The following JPH2 variants were observed in gnomAD, a reference collection of about 807,000 sequenced individuals.
JPH2 encodes junctophilin-2.
JPH2 carries 38 observed loss-of-function variants against 55.9 expected under a neutral mutation model. The ratio of observed to expected loss-of-function variants is 0.68; its 90% CI spans 0.52 to 0.89. JPH2 has a LOEUF of 0.89. Among genes scored for constraint, JPH2 ranks in the 40% least tolerant of loss-of-function variants. JPH2 has a pLI of 0.00. For missense variants in JPH2, 964 were observed against 1,037.6 expected (o/e 0.93, Z 0.97); for synonymous variants, 480 against 472.4 (o/e 1.02, Z -0.21).
chr20:44,145,206 G>A (rs187648896), intron 2 of JPH2, among the ~76,000 whole-genome samples: 225 of 152,328 alleles, frequency 1.5e-3, no homozygotes, highest in Non-Finnish European at 2.2e-3. Flanking sequence ...GCCAGGCACT[G>A]GTCTCACTGT....
intron 2 of JPH2, among the ~76,000 whole-genome samples, chr20:44,152,797 G>A (rs1055264609): frequency 2.6e-5 from 4 of 152,114 alleles, no homozygotes; most frequent in African/African-American, 4.8e-5. Context: ...GGCCTCCGTG[G>A]GTGCCTACGG....
intron 1 of JPH2, among the ~76,000 whole-genome samples, chr20:44,169,366 C>T (rs562116052): frequency 2.0e-5 from 3 of 152,064 alleles, no homozygotes; most frequent in East Asian, 1.9e-4. Flanking sequence ...TTAGTAGAGA[C>T]GGGGTTTTTC....
At position 44,111,058 on chromosome 20, in the gene JPH2, C is replaced by T. The variant is rs2072139325; in HGVS notation, c.*2460G>A. ...CTAAAAAGTCAAGAGAACTGCTTTC[C>T]TGCCACCAACTTGCTGTGTGCGTGA... On this transcript the variant is annotated 3_prime_UTR_variant, in exon 6 of 6. Transcript: ENST00000372980. 6.6e-6 allele frequency among the ~76,000 whole-genome samples: 1 copy of T among 152,342 alleles called. No individual in the cohort carries two copies. The highest frequency in any genetic ancestry group is 2.4e-5 in the African/African-American group (1 of 41,586).
Position 44,164,634 on chromosome 20 carries a change from TG to T in JPH2, c.380-4228del, listed in dbSNP as rs2072640889. Among the ~76,000 whole-genome samples the T allele has an allele frequency of 2.0e-5, 3 of 152,012 alleles. No individual in the cohort carries two copies. In the South Asian group the frequency reaches 6.2e-4, roughly 32 times the overall value. ...CATGCTAAGTGAACAAAGCTAGAGA[TG>T]AAAGCTGTGTGACTCCAGTTACATG... On this transcript the variant is annotated intron_variant, in intron 1 of 5. Coordinates refer to ENST00000372980, the MANE Select transcript of JPH2 (RefSeq NM_020433.5).
At chr20:44,127,894 G>A (rs6103638) in intron 2 of JPH2, among the ~76,000 whole-genome samples, 48,700 of 152,020 alleles carry the variant, frequency 0.32, 7,892 homozygotes, top group East Asian at 0.47. Context: ...GCATCTATGT[G>A]CTTCACGGCT....
intron 2 of JPH2, among the ~76,000 whole-genome samples, chr20:44,150,871 A>AT (rs1037816757): frequency 3.9e-5 from 6 of 151,930 alleles, no homozygotes; most frequent in Non-Finnish European, 5.9e-5. Context: ...ACAAATATAT[A>AT]TTTTTTTAAT....
intron 2 of JPH2, among the ~76,000 whole-genome samples, chr20:44,125,598 C>A (rs1207986618): frequency 6.6e-6 from 1 of 152,192 alleles, no homozygotes; most frequent in Non-Finnish European, 1.5e-5. Context: ...GACCCAGCAG[C>A]CGCCTGGGGA....
intron 2 of JPH2, among the ~76,000 whole-genome samples, chr20:44,135,756 C>T (rs576810819): frequency 5.9e-5 from 9 of 152,266 alleles, no homozygotes; most frequent in Admixed American, 3.3e-4. Flanking sequence ...CAGAGCTGGA[C>T]GGACCCTTAG....
At chr20:44,150,752 G>A (rs2072525263) in intron 2 of JPH2, among the ~76,000 whole-genome samples, 1 of 152,212 alleles carries the variant, frequency 6.6e-6, no homozygotes, top group Admixed American at 6.5e-5. Context: ...CAGGCCAGGT[G>A]TGGTGGCTCA....
intron 2 of JPH2, among the ~76,000 whole-genome samples, chr20:44,133,892 AAATATATATAAATAAATATACATTAT>A (rs2072343923): frequency 2.2e-5 from 1 of 45,616 alleles, no homozygotes; most frequent in East Asian, 6.1e-4. Context: ...TATTTATTAT[AAATATATATAAATAAATATACATTAT>A]AATATATAAA....
At chr20:44,161,220 A>C (rs1394403094) in intron 1 of JPH2, among the ~76,000 whole-genome samples, 1 of 152,136 alleles carries the variant, frequency 6.6e-6, no homozygotes, top group Non-Finnish European at 1.5e-5. Context: ...AGAACAAAGT[A>C]ATATGTAGCA....
At chr20:44,136,375 C>G (rs1341773456) in intron 2 of JPH2, among the ~76,000 whole-genome samples, 4 of 152,126 alleles carry the variant, frequency 2.6e-5, no homozygotes, top group Non-Finnish European at 4.4e-5. Context: ...TGGCCTCACC[C>G]TTTGCCTATT....
Position 44,186,758 on chromosome 20 carries a change from G to A in JPH2, c.-53C>T. The A allele has an allele frequency of 6.4e-7, 1 of 1,561,470 alleles. No homozygotes were observed. The highest frequency in any genetic ancestry group is 8.7e-7 in the Non-Finnish European group (1 of 1,147,072). ...GTCCTCCAGCGTGGGTGCAGAGGGC[G>A]TGGGTGATGCCTGCAACACTCCTCC... On this transcript the variant is annotated 5_prime_UTR_variant, in exon 1 of 6. In the 5' UTR this introduces an upstream ATG that the reference lacks. Coordinates refer to ENST00000372980, the MANE Select transcript of JPH2 (RefSeq NM_020433.5).
At chr20:44,134,327 T>C in intron 2 of JPH2, among the ~76,000 whole-genome samples, 1 of 21,384 alleles carries the variant, frequency 4.7e-5, no homozygotes, top group Non-Finnish European at 7.0e-5. Flanking sequence ...AAATATATAA[T>C]AAATATATAA....
At chr20:44,116,465 C>T (rs1422823283) in intron 3 of JPH2, 79 bp from the exon 4 acceptor site, 2 of 1,508,512 alleles carry the variant, frequency 1.3e-6, no homozygotes, top group Non-Finnish European at 1.8e-6. Context: ...CTTCACCTCT[C>T]GAGCCTCATT....
intron 4 of JPH2, among the ~76,000 whole-genome samples, chr20:44,115,092 G>T (rs1027783716): frequency 6.6e-6 from 1 of 152,072 alleles, no homozygotes; most frequent in Non-Finnish European, 1.5e-5. Context: ...ACCCAGGGAG[G>T]GACAAGATCA....
At position 44,186,774 on chromosome 20, in the gene JPH2, A is replaced by G. The variant is rs1253862589; in HGVS notation, c.-69T>C. The stretch of plus-strand genomic sequence containing the variant: ...GCAGAGGGCGTGGGTGATGCCTGCA[A>G]CACTCCTCCAGTGCCCTCGGGGGCA... On this transcript the variant is annotated 5_prime_UTR_variant, in exon 1 of 6. Coordinates refer to ENST00000372980, the MANE Select transcript of JPH2 (RefSeq NM_020433.5). 5.4e-6 allele frequency: 8 copies of G among 1,479,568 alleles called. No homozygotes were observed. The highest frequency in any genetic ancestry group is 2.3e-4 in the Middle Eastern group (1 of 4,272). 91.7% of individuals were successfully genotyped at this position (1,479,568 alleles called of 1,614,324 possible). A position where few individuals can be genotyped will look rare whatever the true frequency, so the allele number is the denominator to read the frequency against.
chr20:44,128,886 C>T (rs1331752599), intron 2 of JPH2, among the ~76,000 whole-genome samples: 1 of 152,090 alleles, frequency 6.6e-6, no homozygotes, highest in Admixed American at 6.5e-5. Flanking sequence ...GTTAGGAACA[C>T]AGCTGCATGA....
At chr20:44,157,068 T>C (rs533877402) in intron 2 of JPH2, among the ~76,000 whole-genome samples, 1 of 152,348 alleles carries the variant, frequency 6.6e-6, no homozygotes, top group Non-Finnish European at 1.5e-5. Flanking sequence ...TCCATGTCTG[T>C]AAAATGAATT....
Sources: gnomAD v4.1 joint callset for allele counts (sites outside exome capture counted in the v4.1 genomes callset) on GRCh38, gnomAD v4.1.1 for gene constraint, MANE v1.5 for transcripts, NCBI Gene and HGNC (gene_info 2026-07-23, HGNC 2026-07-21) for gene names.